The following RAD51B variants were observed in gnomAD, a reference collection of about 807,000 sequenced individuals.
The protein encoded by RAD51B is RAD51 paralog B.
In RAD51B, 38 loss-of-function variants were observed where a neutral mutation model predicts 42.2. That is an observed-to-expected ratio of 0.90 (90% CI 0.70 to 1.18). The LOEUF is 1.18. Among genes scored for constraint, RAD51B ranks in the 50% most tolerant of loss-of-function variants. The probability of loss-of-function intolerance (pLI) is 0.00; values close to 1 mark genes in which losing one functional copy is unlikely to be tolerated. For synonymous variants in RAD51B, 154 were observed against 145.2 expected, an observed-to-expected ratio of 1.06 and a Z score of -0.43; for missense variants, 373 against 400.7, an observed-to-expected ratio of 0.93 and a Z score of 0.59.
At chr14:68,221,738 A>G (rs1028876839) in intron 7 of RAD51B, among the ~76,000 whole-genome samples, 10 of 152,274 alleles carry the variant, frequency 6.6e-5, no homozygotes, top group African/African-American at 2.4e-4. Context: ...TAATCAACAG[A>G]GTTAACAAAC....
chr14:68,042,167 C>T (rs1373285569), intron 7 of RAD51B, among the ~76,000 whole-genome samples: 1 of 152,208 alleles, frequency 6.6e-6, no homozygotes, highest in African/African-American at 2.4e-5. Context: ...GCACCTGGCT[C>T]ATACAGTTAC....
At chr14:68,062,176 G>A (rs1372692455) in intron 7 of RAD51B, among the ~76,000 whole-genome samples, 1 of 152,088 alleles carries the variant, frequency 6.6e-6, no homozygotes, top group Non-Finnish European at 1.5e-5. Context: ...TATTTATTCT[G>A]TTGATATGAG....
chr14:68,003,375 C>G (rs2075522502), intron 7 of RAD51B, among the ~76,000 whole-genome samples: 1 of 152,118 alleles, frequency 6.6e-6, no homozygotes, highest in South Asian at 2.1e-4. Context: ...TTTTTATATC[C>G]TGAGACTTTG....
chr14:68,526,658 TCA>T (rs1886954535), intron 10 of RAD51B, among the ~76,000 whole-genome samples: 2 of 152,174 alleles, frequency 1.3e-5, no homozygotes, highest in African/African-American at 4.8e-5. Flanking sequence ...TATTGCTGAC[TCA>T]CGCCCACTGG....
intron 7 of RAD51B, among the ~76,000 whole-genome samples, chr14:68,235,379 T>C (rs2080227384): frequency 6.6e-6 from 1 of 151,546 alleles, no homozygotes; most frequent in Non-Finnish European, 1.5e-5. Flanking sequence ...AGGACAGTAG[T>C]GTATTCTGTT....
At chr14:68,464,050 G>T (rs1395578513) in intron 9 of RAD51B, among the ~76,000 whole-genome samples, 1 of 152,148 alleles carries the variant, frequency 6.6e-6, no homozygotes, top group Non-Finnish European at 1.5e-5. Context: ...AATCATTGGT[G>T]CTCTGTTCTC....
chr14:68,310,697 T>C (rs1043269651), intron 8 of RAD51B, among the ~76,000 whole-genome samples: 1 of 151,888 alleles, frequency 6.6e-6, no homozygotes, highest in Non-Finnish European at 1.5e-5. Flanking sequence ...ATACAAAAAT[T>C]AGCTGGGTGT....
chr14:68,369,312 G>A (rs2139942607), intron 8 of RAD51B, among the ~76,000 whole-genome samples: 1 of 152,304 alleles, frequency 6.6e-6, no homozygotes, highest in South Asian at 2.1e-4. Flanking sequence ...GGATCTTGTT[G>A]GTGCTGTATC....
intron 7 of RAD51B, among the ~76,000 whole-genome samples, chr14:67,901,398 A>G (rs911830253): frequency 5.5e-4 from 83 of 152,210 alleles, no homozygotes; most frequent in African/African-American, 1.9e-3. Context: ...GTTCTTAATC[A>G]TATTTCTTCT....
intron 7 of RAD51B, among the ~76,000 whole-genome samples, chr14:67,937,832 C>A (rs533753093): frequency 1.4e-4 from 22 of 152,092 alleles, no homozygotes; most frequent in Non-Finnish European, 2.1e-4. Flanking sequence ...TAAAAGTGGA[C>A]TTTAAAGCTG....
At chr14:68,520,172 C>G (rs1886473525) in intron 10 of RAD51B, among the ~76,000 whole-genome samples, 1 of 152,198 alleles carries the variant, frequency 6.6e-6, no homozygotes, top group Admixed American at 6.5e-5. Flanking sequence ...ATTTTTTCCA[C>G]ATGCAGTTGG....
intron 10 of RAD51B, among the ~76,000 whole-genome samples, chr14:68,577,666 C>T (rs982900703): frequency 1.3e-5 from 2 of 152,074 alleles, no homozygotes; most frequent in African/African-American, 2.4e-5. Flanking sequence ...GGCCTCCCAG[C>T]GCGCCCAGCC....
chr14:67,823,209 A>C (rs958473810), intron 1 of RAD51B, among the ~76,000 whole-genome samples: 22 of 152,248 alleles, frequency 1.4e-4, no homozygotes, highest in African/African-American at 5.1e-4. Flanking sequence ...TAAAATTTAT[A>C]CATGCATTGA....
At chr14:67,825,417 C>A in intron 2 of RAD51B, 47 bp from the exon 3 acceptor site, 1 of 1,357,620 alleles carries the variant, frequency 7.4e-7, no homozygotes. Context: ...ACTCTAGTAT[C>A]TTTGTTACAC....
At chr14:68,166,154 A>G (rs1218158445) in intron 7 of RAD51B, among the ~76,000 whole-genome samples, 1 of 145,592 alleles carries the variant, frequency 6.9e-6, no homozygotes, top group Non-Finnish European at 1.5e-5. Flanking sequence ...AAGACCAGGT[A>G]CATTATTTCT....
At chr14:68,515,842 G>A (rs1053734183) in intron 10 of RAD51B, among the ~76,000 whole-genome samples, 2 of 147,574 alleles carry the variant, frequency 1.4e-5, no homozygotes, top group Non-Finnish European at 3.0e-5. Context: ...CTGGAGTGCA[G>A]TGGCATGATC....
At chr14:67,987,298 A>G (rs932171788) in intron 7 of RAD51B, among the ~76,000 whole-genome samples, 1 of 152,108 alleles carries the variant, frequency 6.6e-6, no homozygotes, top group Non-Finnish European at 1.5e-5. Context: ...AATTATTATT[A>G]TTTTTGTACC....
intron 7 of RAD51B, among the ~76,000 whole-genome samples, chr14:68,021,731 T>C (rs984878614): frequency 1.3e-5 from 2 of 152,208 alleles, no homozygotes; most frequent in African/African-American, 4.8e-5. Flanking sequence ...CACAAAATTT[T>C]TTGTTTCCTA....
downstream of RAD51B, among the ~76,000 whole-genome samples, chr14:68,614,143 A>AT (rs1277012591): frequency 6.6e-6 from 1 of 152,152 alleles, no homozygotes; most frequent in Admixed American, 6.5e-5. Flanking sequence ...CTATGACACG[A>AT]TTTTTCAGGC....
Sources: gnomAD v4.1 joint callset for allele counts (sites outside exome capture counted in the v4.1 genomes callset) on GRCh38, gnomAD v4.1.1 for gene constraint, MANE v1.5 for transcripts, NCBI Gene and HGNC (gene_info 2026-07-23, HGNC 2026-07-21) for gene names.